The following C1GALT1 variants were observed in gnomAD, a reference collection of about 807,000 sequenced individuals.
C1GALT1 encodes the protein core 1 synthase, glycoprotein-N-acetylgalactosamine 3-beta-galactosyltransferase 1.
Under a neutral mutation model 31.0 loss-of-function variants are expected in C1GALT1, and 11 were observed. That is an observed-to-expected ratio of 0.36 (90% CI 0.22 to 0.59). The LOEUF is 0.59. Ranked by LOEUF, C1GALT1 falls within the 20% of genes least tolerant of loss-of-function variation. The probability of loss-of-function intolerance (pLI) is 0.79; values close to 1 mark genes in which losing one functional copy is unlikely to be tolerated. For missense variants in C1GALT1, 424 were observed against 425.2 expected (o/e 1.00, Z 0.03); for synonymous variants, 175 against 143.6 (o/e 1.22, Z -1.56).
At chr7:7,221,806 A>G (rs1293484681) in intron 1 of C1GALT1, among the ~76,000 whole-genome samples, 2 of 152,166 alleles carry the variant, frequency 1.3e-5, no homozygotes, top group Non-Finnish European at 2.9e-5. Flanking sequence ...GTTGATTCTC[A>G]ACATCTAGCT....
At chr7:7,202,820 G>C (rs1781576980) in intron 1 of C1GALT1, among the ~76,000 whole-genome samples, 1 of 152,106 alleles carries the variant, frequency 6.6e-6, no homozygotes, top group Admixed American at 6.5e-5. Flanking sequence ...GGATAGTATT[G>C]ACATCTTAAC....
At position 7,214,987 on chromosome 7, in the gene C1GALT1, C is replaced by T. The variant is rs1782168590; in HGVS notation, c.-17-19316C>T. Among the ~76,000 whole-genome samples the T allele has an allele frequency of 2.6e-5, 4 of 152,342 alleles. No homozygotes were observed. In the South Asian group the frequency reaches 8.3e-4, roughly 32 times the overall value. On this transcript the variant is annotated intron_variant, in intron 1 of 3. Coordinates refer to ENST00000436587, the MANE Select transcript of C1GALT1 (RefSeq NM_020156.5). ...GTAAACCCTGCCTCTGATGGATCAGCTGGTACCATCCAGGTTGACTAACTG... is the reference window on the plus strand; with the variant it reads ...GTAAACCCTGCCTCTGATGGATCAGTTGGTACCATCCAGGTTGACTAACTG...
intron 1 of C1GALT1, among the ~76,000 whole-genome samples, chr7:7,200,815 C>G (rs141957309): frequency 7.6e-4 from 116 of 152,290 alleles, no homozygotes; most frequent in African/African-American, 2.7e-3. Flanking sequence ...GCATGCATCA[C>G]GTAGTTCTTG....
At position 7,247,579 on chromosome 7, in the gene C1GALT1, G is replaced by T. The variant is rs1783895187; in HGVS notation, c.*3852G>T. 1 of 152,038 alleles carries T rather than the reference G, an allele frequency of 6.6e-6. No homozygotes were observed. The highest frequency in any genetic ancestry group is 1.5e-5 in the Non-Finnish European group (1 of 67,940). 9.4% of individuals were successfully genotyped at this position (152,038 alleles called of 1,614,324 possible). On this transcript the variant is annotated 3_prime_UTR_variant, in exon 4 of 4. Coordinates refer to ENST00000436587, the MANE Select transcript of C1GALT1 (RefSeq NM_020156.5). ...GAATATTAATTTTTCACTTCTTTGA[G>T]ACTGTCAAACTATAGTTACTACCAG...
intron 2 of C1GALT1, among the ~76,000 whole-genome samples, chr7:7,167,708 A>T (rs1208394760): frequency 6.6e-6 from 1 of 152,008 alleles, no homozygotes; most frequent in East Asian, 1.9e-4. Flanking sequence ...GGACCCCCTG[A>T]TACTACAGCT....
chr7:7,183,212 C>T (rs1780664267), intron 1 of C1GALT1, among the ~76,000 whole-genome samples: 1 of 151,884 alleles, frequency 6.6e-6, no homozygotes, highest in South Asian at 2.1e-4. Flanking sequence ...GCCGGGCCCT[C>T]CCAGTCCCTC....
At chr7:7,188,867 C>T (rs1247887901) in intron 1 of C1GALT1, among the ~76,000 whole-genome samples, 5 of 152,060 alleles carry the variant, frequency 3.3e-5, no homozygotes, top group Admixed American at 2.6e-4. Flanking sequence ...TAAGCATGAT[C>T]TCTGATGTAA....
chr7:7,168,324 A>G (rs1780419664), intron 2 of C1GALT1, among the ~76,000 whole-genome samples: 1 of 152,210 alleles, frequency 6.6e-6, no homozygotes, highest in Non-Finnish European at 1.5e-5. Flanking sequence ...AGAAGCTGCT[A>G]CTGAGGGAAG....
At chr7:7,189,760 G>C (rs1052328279) in intron 1 of C1GALT1, among the ~76,000 whole-genome samples, 1 of 151,952 alleles carries the variant, frequency 6.6e-6, no homozygotes, top group African/African-American at 2.4e-5. Flanking sequence ...ATCTCAATTC[G>C]TAATATCAAA....
At chr7:7,187,069 G>A (rs1780847775) in intron 1 of C1GALT1, among the ~76,000 whole-genome samples, 1 of 152,212 alleles carries the variant, frequency 6.6e-6, no homozygotes, top group Non-Finnish European at 1.5e-5. Context: ...TGTTGGAGTA[G>A]TTAAAAGACA....
intron 1 of C1GALT1, among the ~76,000 whole-genome samples, chr7:7,223,386 C>T (rs1782600509): frequency 6.6e-6 from 1 of 152,178 alleles, no homozygotes; most frequent in Non-Finnish European, 1.5e-5. Context: ...TGGTTTGGAA[C>T]TCCTGACCTC....
chr7:7,178,371 C>T, upstream of C1GALT1: 1 of 220,576 alleles, frequency 4.5e-6, no homozygotes. Context: ...AATAGTATTG[C>T]AAGCCCTCTG....
chr7:7,182,074 A>G (rs990243631), upstream of C1GALT1, among the ~76,000 whole-genome samples: 1 of 152,210 alleles, frequency 6.6e-6, no homozygotes, highest in African/African-American at 2.4e-5. Flanking sequence ...ATGATGACCC[A>G]GCACCCGTAT....
chr7:7,227,763 C>G (rs971352804), intron 1 of C1GALT1, among the ~76,000 whole-genome samples: 1 of 151,612 alleles, frequency 6.6e-6, no homozygotes, highest in African/African-American at 2.4e-5. Context: ...TAAGCTAACA[C>G]GTTAGCATGC....
intron 1 of C1GALT1, among the ~76,000 whole-genome samples, chr7:7,184,698 A>C (rs949438241): frequency 1.7e-4 from 26 of 152,224 alleles, no homozygotes; most frequent in Non-Finnish European, 3.8e-4. Context: ...GTGCAGCTAT[A>C]AATAAACCTT....
intron 1 of C1GALT1, among the ~76,000 whole-genome samples, chr7:7,232,359 CT>C (rs1332442446): frequency 6.6e-6 from 1 of 152,174 alleles, no homozygotes; most frequent in Non-Finnish European, 1.5e-5. Context: ...CTTTCACAAA[CT>C]ATTTCAAAGC....
chr7:7,163,928 G>A (rs1458013058), intron 2 of C1GALT1, among the ~76,000 whole-genome samples: 3 of 151,832 alleles, frequency 2.0e-5, no homozygotes, highest in East Asian at 1.9e-4. Context: ...TCCCCATCAA[G>A]CTACCAATGA....
chr7:7,233,350 G>A (rs889573196), intron 1 of C1GALT1, among the ~76,000 whole-genome samples: 1 of 151,912 alleles, frequency 6.6e-6, no homozygotes, highest in Non-Finnish European at 1.5e-5. Context: ...TGCAACCTCC[G>A]CCTTCTGAGT....
chr7:7,203,674 G>T (rs1021208009), intron 1 of C1GALT1, among the ~76,000 whole-genome samples: 1 of 151,222 alleles, frequency 6.6e-6, no homozygotes, highest in Admixed American at 6.6e-5. Context: ...CTCTTTTTAG[G>T]TTGCTCTCAT....
Sources: allele counts gnomAD v4.1 joint callset (sites outside exome capture counted in the v4.1 genomes callset), GRCh38; gene constraint gnomAD v4.1.1; transcripts MANE v1.5; gene names NCBI Gene and HGNC (gene_info 2026-07-23, HGNC 2026-07-21).